STK24: variants seen among roughly 807,000 people sequenced by gnomAD.
STK24 encodes serine/threonine kinase 24.
A neutral mutation model predicts 55.6 loss-of-function variants in STK24; 21 were observed. That is an observed-to-expected ratio of 0.38 (90% CI 0.27 to 0.54). STK24 has a LOEUF of 0.54. Among genes scored for constraint, STK24 ranks in the 20% least tolerant of loss-of-function variants. The pLI, the probability that STK24 is intolerant of heterozygous loss-of-function variation, is 0.79. For synonymous variants in STK24, 200 were observed against 215.2 expected (o/e 0.93, Z 0.62); for missense variants, 383 against 538.4 (o/e 0.71, Z 2.86).
intron 1 of STK24, among the ~76,000 whole-genome samples, chr13:98,571,055 G>A (rs1231747037): frequency 2.6e-5 from 4 of 152,194 alleles, no homozygotes; most frequent in Non-Finnish European, 5.9e-5. Flanking sequence ...GCTTCCACAA[G>A]GGCAGCTCTG....
chr13:98,507,462 A>G (rs1014759209), intron 2 of STK24, among the ~76,000 whole-genome samples: 1 of 152,178 alleles, frequency 6.6e-6, no homozygotes, highest in African/African-American at 2.4e-5. Context: ...AAGAAAAGGA[A>G]ATCACTCAGC....
chr13:98,483,903 C>A (rs1042859044), intron 2 of STK24, among the ~76,000 whole-genome samples: 6 of 152,200 alleles, frequency 3.9e-5, no homozygotes, highest in African/African-American at 1.4e-4. Context: ...CTAAGACAGT[C>A]CAAATAAACA....
At chr13:98,453,772 C>A (rs75957005) in intron 10 of STK24, 1 of 152,162 alleles carries the variant, frequency 6.6e-6, no homozygotes, top group African/African-American at 2.4e-5. Context: ...GTAAATTATA[C>A]AAACTGAAAT....
chr13:98,494,462 G>C (rs1223232029), intron 2 of STK24, among the ~76,000 whole-genome samples: 1 of 144,698 alleles, frequency 6.9e-6, no homozygotes, highest in African/African-American at 2.5e-5. Flanking sequence ...AAAAATTATG[G>C]AATGAGCTGG....
intron 2 of STK24, among the ~76,000 whole-genome samples, chr13:98,507,331 A>AG (rs1895725536): frequency 6.6e-6 from 1 of 152,204 alleles, no homozygotes; most frequent in Non-Finnish European, 1.5e-5. Context: ...CAACAGCCAA[A>AG]GGGCTGCAAA....
chr13:98,455,174 A>C (rs1411377796), intron 10 of STK24: 1 of 152,260 alleles, frequency 6.6e-6, no homozygotes, highest in Non-Finnish European at 1.5e-5. Context: ...GCAGGTTAAA[A>C]AATGTATTGT....
chr13:98,475,605 G>A (rs1302797616), intron 3 of STK24, among the ~76,000 whole-genome samples: 1 of 152,224 alleles, frequency 6.6e-6, no homozygotes, highest in South Asian at 2.1e-4. Flanking sequence ...AGGAGCCAAT[G>A]AGGAAGCCCG....
intron 1 of STK24, among the ~76,000 whole-genome samples, chr13:98,537,978 G>A (rs1169565103): frequency 6.6e-6 from 1 of 152,030 alleles, no homozygotes; most frequent in African/African-American, 2.4e-5. Flanking sequence ...CTCCGCTCGG[G>A]GTGCAGCTGG....
intron 1 of STK24, among the ~76,000 whole-genome samples, chr13:98,537,404 C>T (rs536931714): frequency 1.1e-4 from 16 of 152,208 alleles, no homozygotes; most frequent in African/African-American, 7.2e-5. Context: ...GCACAGTGCC[C>T]GGCACACGGG....
chr13:98,516,637 G>T (rs781135741), intron 2 of STK24, among the ~76,000 whole-genome samples: 1 of 152,128 alleles, frequency 6.6e-6, no homozygotes, highest in Non-Finnish European at 1.5e-5. Flanking sequence ...CTTCCCACAC[G>T]TGAGCCTCCA....
intron 1 of STK24, among the ~76,000 whole-genome samples, chr13:98,523,082 C>T (rs1345957208): frequency 6.6e-6 from 1 of 152,174 alleles, no homozygotes; most frequent in African/African-American, 2.4e-5. Context: ...ATTCAGTCAA[C>T]CGGGGGTGGG....
At chr13:98,506,804 A>G (rs1411843107) in intron 2 of STK24, among the ~76,000 whole-genome samples, 2 of 152,220 alleles carry the variant, frequency 1.3e-5, no homozygotes, top group Non-Finnish European at 2.9e-5. Context: ...ACTACCCAAT[A>G]AATACGGTGG....
intron 2 of STK24, among the ~76,000 whole-genome samples, chr13:98,497,790 C>G (rs1384175660): frequency 6.6e-6 from 1 of 152,222 alleles, no homozygotes; most frequent in Non-Finnish European, 1.5e-5. Flanking sequence ...CCAGGATGTA[C>G]AGAGAAAACT....
chr13:98,539,906 C>G (rs1449778155), intron 1 of STK24, among the ~76,000 whole-genome samples: 1 of 152,206 alleles, frequency 6.6e-6, no homozygotes, highest in African/African-American at 2.4e-5. Context: ...CACGCAGACA[C>G]ACACACAGAT....
At chr13:98,516,025 T>C (rs1286358174) in intron 2 of STK24, among the ~76,000 whole-genome samples, 6 of 152,218 alleles carry the variant, frequency 3.9e-5, no homozygotes, top group Non-Finnish European at 1.5e-5. Context: ...TCCTTGACAT[T>C]AGGACCACAC....
intron 1 of STK24, among the ~76,000 whole-genome samples, chr13:98,530,540 C>G (rs1381976323): frequency 6.6e-6 from 1 of 152,152 alleles, no homozygotes; most frequent in Non-Finnish European, 1.5e-5. Flanking sequence ...AGGCACAGAG[C>G]CTGAACAGGA....
At chr13:98,532,891 T>C (rs1896619132) in intron 1 of STK24, among the ~76,000 whole-genome samples, 1 of 152,374 alleles carries the variant, frequency 6.6e-6, no homozygotes, top group Admixed American at 6.5e-5. Context: ...GCTGTATTAA[T>C]GCGTTACAAA....
chr13:98,461,630 C>T lies in STK24; in HGVS notation c.1053+144G>A. ...ATCATCAGACAGAACTAAAGCTCTTCATCTGCCCATCCCCTAGCAACAAAA... is the reference window on the plus strand; with the variant it reads ...ATCATCAGACAGAACTAAAGCTCTTTATCTGCCCATCCCCTAGCAACAAAA... On this transcript the variant is annotated intron_variant, in intron 8 of 10. Transcript: ENST00000539966. 3 of 1,111,690 alleles carry T rather than the reference C, an allele frequency of 2.7e-6. No individual in the cohort carries two copies. In the Admixed American group the frequency reaches 6.1e-5, roughly 23 times the overall value. The allele number at this position is 1,111,690 out of a possible 1,614,324, so 68.9% of individuals were successfully genotyped here. A position where few individuals can be genotyped will look rare whatever the true frequency, so the allele number is the denominator to read the frequency against.
At chr13:98,497,783 G>A (rs181047233) in intron 2 of STK24, among the ~76,000 whole-genome samples, 13 of 152,332 alleles carry the variant, frequency 8.5e-5, no homozygotes, top group Non-Finnish European at 1.5e-4. Context: ...GTGGATACCA[G>A]GATGTACAGA....
Sources: allele counts gnomAD v4.1 joint callset (sites outside exome capture counted in the v4.1 genomes callset), GRCh38; gene constraint gnomAD v4.1.1; transcripts MANE v1.5; gene names NCBI Gene and HGNC (gene_info 2026-07-23, HGNC 2026-07-21).